The following ZNF536 variants were observed in gnomAD, a reference collection of about 807,000 sequenced individuals.
ZNF536 encodes zinc finger protein 536.
ZNF536 carries 13 observed loss-of-function variants against 84.5 expected under a neutral mutation model. That is an observed-to-expected ratio of 0.15 (90% CI 0.10 to 0.24). The LOEUF (loss-of-function observed/expected upper bound fraction) is 0.24, where lower values mean the gene tolerates loss of function less well. Ranked by LOEUF, ZNF536 falls within the 10% of genes least tolerant of loss-of-function variation. The pLI is 1.00. For missense variants in ZNF536, 1,536 were observed against 1,747.5 expected (o/e 0.88, Z 2.16); for synonymous variants, 811 against 742.5 (o/e 1.09, Z -1.50).
At chr19:30,578,862 A>T (rs2146642348) in intron 1 of ZNF536, among the ~76,000 whole-genome samples, 1 of 152,278 alleles carries the variant, frequency 6.6e-6, no homozygotes, top group South Asian at 2.1e-4. Context: ...GGTTCTGGGC[A>T]GGCTCATTTG....
At chr19:30,399,402 A>G (rs924476397) in intron 1 of ZNF536, among the ~76,000 whole-genome samples, 3 of 152,116 alleles carry the variant, frequency 2.0e-5, no homozygotes, top group Non-Finnish European at 2.9e-5. Flanking sequence ...TTTGCTGTGC[A>G]GAAGCTCTTT....
intron 2 of ZNF536, among the ~76,000 whole-genome samples, chr19:30,288,817 A>G (rs1433160628): frequency 6.6e-6 from 1 of 152,136 alleles, no homozygotes; most frequent in Admixed American, 6.5e-5. Flanking sequence ...CACCGTTGTT[A>G]TTTTCATTTC....
chr19:30,492,895 T>C (rs1283429945), intron 2 of ZNF536, among the ~76,000 whole-genome samples: 1 of 152,120 alleles, frequency 6.6e-6, no homozygotes, highest in African/African-American at 2.4e-5. Context: ...AATTTCAAAG[T>C]CAGCCACACC....
chr19:30,439,285 T>C (rs1226196140), intron 1 of ZNF536, among the ~76,000 whole-genome samples: 1 of 152,208 alleles, frequency 6.6e-6, no homozygotes. Context: ...GGACACTCAC[T>C]CACGCTGGCC....
intron 1 of ZNF536, among the ~76,000 whole-genome samples, chr19:30,674,568 G>A (rs1336680398): frequency 6.6e-6 from 1 of 152,192 alleles, no homozygotes; most frequent in African/African-American, 2.4e-5. Context: ...GTGGGCAGTT[G>A]GAGTTTTGGG....
chr19:30,464,186 G>A lies in ZNF536; in HGVS notation c.2170+18454G>A, dbSNP rs368923370. On this transcript the variant is annotated intron_variant, in intron 2 of 4. Transcript: ENST00000355537. ...CAAAGTGATCACATCGCTGCTTACG[G>A]GTTTAGCTGACCAAGTTCTATGGAC... is the stretch of plus-strand genomic sequence containing the variant. Among the ~76,000 whole-genome samples, 27 of 152,270 alleles carry A rather than the reference G, an allele frequency of 1.8e-4. No individual in the cohort carries two copies. In the East Asian group the frequency reaches 2.9e-3, roughly 16 times the overall value.
chr19:30,335,519 G>A lies in ZNF536; in HGVS notation c.-119-16849G>A, dbSNP rs190476996. 3.9e-5 allele frequency among the ~76,000 whole-genome samples: 6 copies of A among 152,222 alleles called. No individual in the cohort carries two copies. In the South Asian group the frequency reaches 6.2e-4, roughly 16 times the overall value. ...CAGAGCCCAGCATTGCACCAGACAC[G>A]TGTTCAGCAGGTGCTGAGCTACGCG... On this transcript the variant is annotated intron_variant, in intron 2 of 5. Transcript: ENST00000585628.
intron 1 of ZNF536, among the ~76,000 whole-genome samples, chr19:30,657,523 C>G (rs1052111883): frequency 6.6e-6 from 1 of 152,208 alleles, no homozygotes; most frequent in Non-Finnish European, 1.5e-5. Flanking sequence ...CCTACTGACC[C>G]TCTCTCCCTT....
chr19:30,263,718 G>A (rs547949591), intron 1 of ZNF536, among the ~76,000 whole-genome samples: 4 of 152,144 alleles, frequency 2.6e-5, no homozygotes, highest in African/African-American at 4.8e-5. Context: ...GTGTGTGCAC[G>A]CGTGTGTGTA....
chr19:30,597,904 CATT>C (rs1282036212), intron 1 of ZNF536, among the ~76,000 whole-genome samples: 11 of 151,886 alleles, frequency 7.2e-5, no homozygotes, highest in South Asian at 2.1e-4. Flanking sequence ...ATTATTTTGA[CATT>C]GTTGTTGTAT....
chr19:30,272,215 T>C (rs1376184570), intron 1 of ZNF536, among the ~76,000 whole-genome samples: 2 of 152,178 alleles, frequency 1.3e-5, no homozygotes, highest in African/African-American at 4.8e-5. Flanking sequence ...AATTAATAGA[T>C]AGGTAAAGTT....
intron 1 of ZNF536, among the ~76,000 whole-genome samples, chr19:30,648,291 T>C (rs1010209538): frequency 1.2e-4 from 18 of 152,134 alleles, no homozygotes; most frequent in Admixed American, 5.9e-4. Context: ...GATAGCACTG[T>C]TCCTCTCAGC....
intron 2 of ZNF536, among the ~76,000 whole-genome samples, chr19:30,480,137 A>G (rs578073951): frequency 6.6e-6 from 1 of 152,264 alleles, no homozygotes; most frequent in South Asian, 2.1e-4. Context: ...TGCTTTCCCA[A>G]GCTCTCCCGG....
chr19:30,437,120 C>CTAT, intron 1 of ZNF536, among the ~76,000 whole-genome samples: 1 of 152,108 alleles, frequency 6.6e-6, no homozygotes, highest in South Asian at 2.1e-4. Flanking sequence ...AACTTACTGG[C>CTAT]AAGATCTATA....
intron 1 of ZNF536, among the ~76,000 whole-genome samples, chr19:30,627,311 A>C (rs575055055): frequency 7.8e-4 from 118 of 151,900 alleles, no homozygotes; most frequent in African/African-American, 2.8e-3. Context: ...ACAAAAAAAA[A>C]TAAGAAAATA....
upstream of ZNF536, among the ~76,000 whole-genome samples, chr19:30,371,572 G>GT (rs199837862): frequency 3.3e-4 from 38 of 115,964 alleles, no homozygotes; most frequent in Admixed American, 8.0e-4. Flanking sequence ...TTTTTTTTTT[G>GT]TTTTTTTTTT....
At chr19:30,711,497 G>A (rs2052451615) in exon 2 of ZNF536, 1 of 152,250 alleles carries the variant, frequency 6.6e-6, no homozygotes, top group South Asian at 2.1e-4. Context: ...TGCGGTGCCA[G>A]TCAGACTGGA....
At chr19:30,404,135 G>C (rs192814002) in intron 1 of ZNF536, among the ~76,000 whole-genome samples, 1 of 148,274 alleles carries the variant, frequency 6.7e-6, no homozygotes, top group Non-Finnish European at 1.5e-5. Flanking sequence ...GTAGGTAGAA[G>C]AACTGTAGCG....
intron 1 of ZNF536, among the ~76,000 whole-genome samples, chr19:30,440,778 C>T (rs57071623): frequency 0.064 from 9,673 of 151,940 alleles, 773 homozygotes; most frequent in African/African-American, 0.18. Context: ...ATGAAAGAGC[C>T]GGGGCAGCAT....
Sources: allele counts gnomAD v4.1 joint callset (sites outside exome capture counted in the v4.1 genomes callset), GRCh38; gene constraint gnomAD v4.1.1; transcripts MANE v1.5; gene names NCBI Gene and HGNC (gene_info 2026-07-23, HGNC 2026-07-21).